The following FAM135B variants were observed in gnomAD, a reference collection of about 807,000 sequenced individuals.
FAM135B encodes the protein family with sequence similarity 135 member B.
A neutral mutation model predicts 127.7 loss-of-function variants in FAM135B; 43 were observed. The observed-to-expected ratio is 0.34, with a 90% CI of 0.26 to 0.43. The LOEUF (loss-of-function observed/expected upper bound fraction) is 0.43. Ranked by LOEUF, FAM135B falls within the 20% of genes least tolerant of loss-of-function variation. The probability of loss-of-function intolerance (pLI) is 1.00; values close to 1 mark genes in which losing one functional copy is unlikely to be tolerated. For missense variants in FAM135B, 1,558 were observed against 1,725.6 expected, an observed-to-expected ratio of 0.90 and a Z score of 1.72; for synonymous variants, 670 against 665.1, an observed-to-expected ratio of 1.01 and a Z score of -0.11.
At chr8:138,333,154 C>T (rs920805478) in intron 2 of FAM135B, among the ~76,000 whole-genome samples, 2 of 152,180 alleles carry the variant, frequency 1.3e-5, no homozygotes, top group African/African-American at 4.8e-5. Context: ...ACCTTCTGTG[C>T]TGTGTAGGGA....
intron 1 of FAM135B, among the ~76,000 whole-genome samples, chr8:138,408,525 G>T (rs1587376900): frequency 6.6e-6 from 1 of 152,070 alleles, no homozygotes; most frequent in South Asian, 2.1e-4. Context: ...TTCTACTTAA[G>T]GGAATTTTTT....
intron 7 of FAM135B, among the ~76,000 whole-genome samples, chr8:138,218,555 C>T (rs1818751233): frequency 6.6e-6 from 1 of 152,138 alleles, no homozygotes; most frequent in Non-Finnish European, 1.5e-5. Context: ...GAGTGGGACT[C>T]ATACTTAGAA....
intron 1 of FAM135B, among the ~76,000 whole-genome samples, chr8:138,420,216 C>CA (rs60528621): frequency 1 from 152,185 of 152,186 alleles, 76,092 homozygotes; most frequent in Non-Finnish European, 1. Context: ...GAGACTATTA[C>CA]AACACCTCTA....
At chr8:138,404,475 C>G (rs1260722033) in intron 1 of FAM135B, among the ~76,000 whole-genome samples, 1 of 152,124 alleles carries the variant, frequency 6.6e-6, no homozygotes, top group Non-Finnish European at 1.5e-5. Context: ...ATGAAGTTTG[C>G]CATGTCATTG....
intron 1 of FAM135B, among the ~76,000 whole-genome samples, chr8:138,427,868 A>C (rs948826652): frequency 1.3e-5 from 2 of 152,138 alleles, no homozygotes; most frequent in African/African-American, 4.8e-5. Flanking sequence ...CTTCCTACTC[A>C]TCCCAAATAT....
chr8:138,234,056 T>TC (rs1378967389), intron 7 of FAM135B, among the ~76,000 whole-genome samples: 1 of 152,122 alleles, frequency 6.6e-6, no homozygotes, highest in Non-Finnish European at 1.5e-5. Flanking sequence ...GAGCAAGGCA[T>TC]CAGAAGGCTG....
chr8:138,492,859 T>C (rs1290374381), intron 1 of FAM135B, among the ~76,000 whole-genome samples: 1 of 152,178 alleles, frequency 6.6e-6, no homozygotes, highest in East Asian at 1.9e-4. Context: ...CGGCATTGCC[T>C]GGTTTGTTCT....
Position 138,275,869 on chromosome 8 carries a change from G to A in FAM135B, c.158-10027C>T, listed in dbSNP as rs148202953. Among the ~76,000 whole-genome samples the A allele has an allele frequency of 6.4e-4, 98 of 152,176 alleles. 1 individual carries two copies. The highest frequency in any genetic ancestry group is 2.2e-3 in the African/African-American group (91 of 41,534). On this transcript the variant is annotated intron_variant, in intron 3 of 19. Transcript: ENST00000395297. ...GAGCTGACGCTTTGTGCTGTATCCCGGCCCGGCAAATATTTATAGAATGCA... is the reference window on the plus strand; with the variant it reads ...GAGCTGACGCTTTGTGCTGTATCCCAGCCCGGCAAATATTTATAGAATGCA...
At chr8:138,253,224 A>G (rs1821836064) in intron 5 of FAM135B, among the ~76,000 whole-genome samples, 1 of 152,106 alleles carries the variant, frequency 6.6e-6, no homozygotes. Flanking sequence ...AATAAAGAAG[A>G]ATTTCCCGAT....
At chr8:138,373,036 G>C (rs894800579) in intron 1 of FAM135B, among the ~76,000 whole-genome samples, 1 of 152,180 alleles carries the variant, frequency 6.6e-6, no homozygotes, top group Non-Finnish European at 1.5e-5. Context: ...CCTTCGGGCA[G>C]GCAATGTTTG....
In FAM135B at chr8:138,413,296, C is replaced by T. The variant is rs142547569; in HGVS notation, c.-19-45294G>A. On this transcript the variant is annotated intron_variant, in intron 1 of 19. Transcript: ENST00000395297. ...ACTTTCCAGTGTAGAGTTCCCCTGT[C>T]TCATCACCCTTTCATACTTCCAAGT... is the stretch of plus-strand genomic sequence containing the variant. 3.2e-4 allele frequency among the ~76,000 whole-genome samples: 48 copies of T among 152,188 alleles called. No homozygotes were observed. The East Asian group carries it at 7.8e-3, about 25-fold the overall frequency.
In FAM135B at chr8:138,131,176, A is replaced by T. The variant is rs873828; in HGVS notation, c.*1417T>A. The T allele has an allele frequency of 6.6e-6, 1 of 152,098 alleles. No individual in the cohort carries two copies. Among genetic ancestry groups the T allele is most frequent in the Non-Finnish European group, 1.5e-5 (1 of 68,002 alleles). The allele number at this position is 152,098 out of a possible 1,614,324, so 9.4% of individuals were successfully genotyped here. ...AGTGACCTAGAGTCATGGTCTAGGTATTGAGAACCCTGGTCCTAGATGCGT... is the reference window on the plus strand; with the variant it reads ...AGTGACCTAGAGTCATGGTCTAGGTTTTGAGAACCCTGGTCCTAGATGCGT... On this transcript the variant is annotated 3_prime_UTR_variant, in exon 20 of 20. Transcript: ENST00000395297.
chr8:138,308,704 C>G (rs1005692079), intron 3 of FAM135B, among the ~76,000 whole-genome samples: 1 of 152,100 alleles, frequency 6.6e-6, no homozygotes, highest in Non-Finnish European at 1.5e-5. Flanking sequence ...TCGCTGGGCT[C>G]TGCCAACCAC....
intron 3 of FAM135B, among the ~76,000 whole-genome samples, chr8:138,277,498 A>G (rs554395494): frequency 6.6e-6 from 1 of 152,302 alleles, no homozygotes; most frequent in African/African-American, 2.4e-5. Flanking sequence ...CTACACAGCA[A>G]ATGCAGAACA....
chr8:138,304,941 C>T (rs1367411087), intron 3 of FAM135B, among the ~76,000 whole-genome samples: 3 of 152,202 alleles, frequency 2.0e-5, no homozygotes, highest in African/African-American at 7.2e-5. Context: ...GCCACTCTGC[C>T]ACCCACCCTG....
At chr8:138,413,556 C>T (rs1833976989) in intron 1 of FAM135B, among the ~76,000 whole-genome samples, 1 of 152,148 alleles carries the variant, frequency 6.6e-6, no homozygotes, top group Admixed American at 6.5e-5. Flanking sequence ...GAACAACAAC[C>T]ATAGTATATT....
At chr8:138,370,748 C>T (rs1038143352) in intron 1 of FAM135B, among the ~76,000 whole-genome samples, 1 of 152,156 alleles carries the variant, frequency 6.6e-6, no homozygotes, top group Non-Finnish European at 1.5e-5. Flanking sequence ...CCATGCTCTG[C>T]CCCATGTAAA....
chr8:138,394,853 G>T (rs1311169012), intron 1 of FAM135B, among the ~76,000 whole-genome samples: 3 of 152,154 alleles, frequency 2.0e-5, no homozygotes, highest in Non-Finnish European at 4.4e-5. Flanking sequence ...AGCAGCACTC[G>T]AGTTAATTGC....
chr8:138,290,108 T>TG (rs1314216684), intron 3 of FAM135B, among the ~76,000 whole-genome samples: 1 of 152,122 alleles, frequency 6.6e-6, no homozygotes, highest in Non-Finnish European at 1.5e-5. Flanking sequence ...GAGCTTTGCA[T>TG]GGGGGGTCCA....
Sources: allele counts gnomAD v4.1 joint callset (sites outside exome capture counted in the v4.1 genomes callset), GRCh38; gene constraint gnomAD v4.1.1; transcripts MANE v1.5; gene names NCBI Gene and HGNC (gene_info 2026-07-23, HGNC 2026-07-21).